LHPP: variants seen among roughly 807,000 people sequenced by gnomAD.
LHPP encodes the protein hLHPP.
LHPP carries 24 observed loss-of-function variants against 30.3 expected under a neutral mutation model. The observed-to-expected ratio is 0.79, with a 90% CI of 0.57 to 1.11. The LOEUF (loss-of-function observed/expected upper bound fraction) is 1.11, where lower values mean the gene tolerates loss of function less well. Among genes scored for constraint, LHPP ranks in the 50% most tolerant of loss-of-function variants. The pLI is 0.00. For missense variants in LHPP, 356 were observed against 367.2 expected (o/e 0.97, Z 0.25); for synonymous variants, 150 against 157.1 (o/e 0.95, Z 0.34).
chr10:124,498,896 T>C, intron 5 of LHPP: 2 of 287,516 alleles, frequency 7.0e-6, no homozygotes, highest in Non-Finnish European at 1.4e-5. Flanking sequence ...TTTTTTTTTT[T>C]TTTGAGACAG....
chr10:124,526,784 C>T (rs536545894), intron 6 of LHPP, among the ~76,000 whole-genome samples: 13 of 152,362 alleles, frequency 8.5e-5, no homozygotes, highest in East Asian at 1.9e-4. Flanking sequence ...GAAGTCCCAT[C>T]GTTGCTGCCT....
intron 6 of LHPP, among the ~76,000 whole-genome samples, chr10:124,569,277 C>T (rs973264367): frequency 2.0e-5 from 3 of 152,132 alleles, no homozygotes; most frequent in Non-Finnish European, 2.9e-5. Context: ...TTTTTCTCTC[C>T]CTAGTTTTGG....
At position 124,484,181 on chromosome 10, in the gene LHPP, G is replaced by A. The variant is rs1213048484; in HGVS notation, c.168G>A (p.Glu56=). 1 of 1,613,984 alleles carries A rather than the reference G, an allele frequency of 6.2e-7. No individual in the cohort carries two copies. The highest frequency in any genetic ancestry group is 1.3e-5 in the African/African-American group (1 of 74,920). ...TGAAGGTGAGGTTCTGCACCAACGA[G>A]TCGCAGAAGTCCCGGGCAGAGCTGG... ...SRLKVRFCTN[E]SQKSRAELVG... Residue 56 remains glutamate (E), a synonymous_variant, in exon 2 of 7, where the codon GAG becomes GAA. Transcript: ENST00000368842.
At chr10:124,498,710 G>A (rs2133876470) in intron 5 of LHPP, 2 of 459,908 alleles carry the variant, frequency 4.3e-6, no homozygotes, top group Middle Eastern at 5.4e-4. Context: ...TGTCACCCTG[G>A]CTAGAGTGCA....
At chr10:124,521,832 T>C (rs1356803160) in intron 6 of LHPP, among the ~76,000 whole-genome samples, 1 of 152,116 alleles carries the variant, frequency 6.6e-6, no homozygotes, top group Non-Finnish European at 1.5e-5. Flanking sequence ...CAAGGTCTTC[T>C]AGTACGGAGC....
chr10:124,606,193 C>A (rs1206577894), intron 6 of LHPP, among the ~76,000 whole-genome samples: 1 of 152,248 alleles, frequency 6.6e-6, no homozygotes, highest in East Asian at 1.9e-4. Context: ...ACTGCTCCCA[C>A]CTCCCAGCCA....
chr10:124,602,528 G>A (rs1949037084), intron 6 of LHPP, among the ~76,000 whole-genome samples: 1 of 152,234 alleles, frequency 6.6e-6, no homozygotes, highest in Non-Finnish European at 1.5e-5. Context: ...GGGTGTGTGA[G>A]ACCTTGGGCA....
At chr10:124,600,091 G>C (rs1564847871) in intron 6 of LHPP, among the ~76,000 whole-genome samples, 1 of 152,194 alleles carries the variant, frequency 6.6e-6, no homozygotes, top group Non-Finnish European at 1.5e-5. Context: ...TGAGTGCTCG[G>C]GAGCGGGGAG....
chr10:124,602,055 G>C (rs984987820), intron 6 of LHPP, among the ~76,000 whole-genome samples: 1 of 152,204 alleles, frequency 6.6e-6, no homozygotes, highest in African/African-American at 2.4e-5. Context: ...TGGGAGTGGA[G>C]ACCCCTGCCT....
chr10:124,607,303 T>C (rs1949107754), intron 6 of LHPP, among the ~76,000 whole-genome samples: 1 of 152,198 alleles, frequency 6.6e-6, no homozygotes. Context: ...TTCAGGGGCT[T>C]TGGGGCCACC....
At chr10:124,480,523 A>C (rs904492150) in intron 1 of LHPP, among the ~76,000 whole-genome samples, 6 of 152,190 alleles carry the variant, frequency 3.9e-5, no homozygotes, top group African/African-American at 1.4e-4. Flanking sequence ...ATCATCATTC[A>C]TTAGCAATAA....
chr10:124,558,819 C>A (rs1464692292), intron 6 of LHPP, among the ~76,000 whole-genome samples: 1 of 152,270 alleles, frequency 6.6e-6, no homozygotes, highest in Non-Finnish European at 1.5e-5. Flanking sequence ...TCCGAGCAGG[C>A]CCCTGCGGCC....
chr10:124,612,101 G>T (rs1190539275), intron 6 of LHPP, among the ~76,000 whole-genome samples: 1 of 152,164 alleles, frequency 6.6e-6, no homozygotes, highest in East Asian at 1.9e-4. Context: ...TTCCTCAAAT[G>T]ACTGTCAAGA....
At position 124,484,321 on chromosome 10, in the gene LHPP, A is replaced by T. The variant is rs1375163418; in HGVS notation, c.308A>T (p.His103Leu). 1.2e-6 allele frequency: 2 copies of T among 1,612,044 alleles called. No individual in the cohort carries two copies. Among genetic ancestry groups the T allele is most frequent in the Non-Finnish European group, 1.7e-6 (2 of 1,178,562 alleles). ...EQGLRPYLLI[H>L]DGVRSEFDQI... ...GGCCTGCGACCATACCTGCTCATCC[A>T]TGACGGTAGGCCTGTCGGACACCAG... is the stretch of plus-strand genomic sequence containing the variant. Residue 103 changes from histidine to leucine, a missense_variant, in exon 2 of 7, where the codon CAT (histidine) becomes CTT (leucine). By Grantham distance (99) the His-to-Leu change is moderately conservative. Coordinates refer to ENST00000368842, the MANE Select transcript of LHPP (RefSeq NM_022126.4).
chr10:124,573,982 C>T (rs1441430010), intron 6 of LHPP, among the ~76,000 whole-genome samples: 1 of 152,120 alleles, frequency 6.6e-6, no homozygotes, highest in East Asian at 1.9e-4. Flanking sequence ...AGGGACCTGG[C>T]TCCCCTGGAG....
At position 124,482,740 on chromosome 10, in the gene LHPP, C is replaced by G. The variant is rs976659280; in HGVS notation, c.126-1399C>G. On this transcript the variant is annotated intron_variant, in intron 1 of 6. Transcript: ENST00000368842. ...CTGCACAGAAGCACCACACCCTGGC[C>G]CTCTCTCTTGCTTCCCCAGGGAGGC... is the stretch of plus-strand genomic sequence containing the variant. 5.3e-5 allele frequency among the ~76,000 whole-genome samples: 8 copies of G among 152,258 alleles called. No homozygotes were observed. The East Asian group carries it at 1.5e-3, about 29-fold the overall frequency.
At chr10:124,495,728 T>C (rs1478818503) in intron 3 of LHPP, among the ~76,000 whole-genome samples, 1 of 152,200 alleles carries the variant, frequency 6.6e-6, no homozygotes, top group Admixed American at 6.5e-5. Flanking sequence ...GCTCATCTTA[T>C]TGCTTGTGTC....
Position 124,576,392 on chromosome 10 carries a change from G to T in LHPP, c.717-36872G>T, listed in dbSNP as rs1250212856. On this transcript the variant is annotated intron_variant, in intron 6 of 6. Coordinates refer to ENST00000368842, the MANE Select transcript of LHPP (RefSeq NM_022126.4). The surrounding 1 kb of genome is among the most constrained non-coding windows in gnomAD (Gnocchi z 4.2). ...GGTTGCCCCCAGGACCCCCCTTGCG[G>T]TACCCGTATATCCCACCCCCAGACT... Among the ~76,000 whole-genome samples, 1 of 151,290 alleles carries T rather than the reference G, an allele frequency of 6.6e-6. No homozygotes were observed. The highest frequency in any genetic ancestry group is 1.5e-5 in the Non-Finnish European group (1 of 67,758).
At position 124,510,172 on chromosome 10, in the gene LHPP, G is replaced by A. The variant is rs1405878369; in HGVS notation, c.625-7008G>A. Among the ~76,000 whole-genome samples the A allele has an allele frequency of 6.6e-6, 1 of 152,194 alleles. No individual in the cohort carries two copies. Among genetic ancestry groups the A allele is most frequent in the African/African-American group, 2.4e-5 (1 of 41,442 alleles). On this transcript the variant is annotated intron_variant, in intron 5 of 6. Coordinates refer to ENST00000368842, the MANE Select transcript of LHPP (RefSeq NM_022126.4). This position sits in a 1 kb window ranked among gnomAD's most constrained non-coding sequence, Gnocchi z 4.0. ...GCGAAGCCCAGCCCTGGCAGGTGGAGTATTTTTATTTCCCCTGACAGCGCA... is the reference window on the plus strand; with the variant it reads ...GCGAAGCCCAGCCCTGGCAGGTGGAATATTTTTATTTCCCCTGACAGCGCA...
Sources: allele counts gnomAD v4.1 joint callset (sites outside exome capture counted in the v4.1 genomes callset), GRCh38; gene constraint gnomAD v4.1.1; non-coding constraint Gnocchi (gnomAD v3.1); transcripts MANE v1.5; gene names NCBI Gene and HGNC (gene_info 2026-07-23, HGNC 2026-07-21).